MGAT1: variants seen among roughly 807,000 people sequenced by gnomAD.
MGAT1 encodes the protein N-glycosyl-oligosaccharide-glycoprotein N-acetylglucosaminyltransferase I.
A neutral mutation model predicts 31.7 loss-of-function variants in MGAT1; 14 were observed. That is an observed-to-expected ratio of 0.44 (90% CI 0.29 to 0.69). The LOEUF (loss-of-function observed/expected upper bound fraction) is 0.69, where lower values mean the gene tolerates loss of function less well. Ranked by LOEUF, MGAT1 falls within the 30% of genes least tolerant of loss-of-function variation. The pLI is 0.12. For missense variants in MGAT1, 557 were observed against 626.0 expected (o/e 0.89, Z 1.18); for synonymous variants, 338 against 276.0 (o/e 1.22, Z -2.23).
At chr5:180,801,890 G>GGTGA (rs1312570978) in intron 1 of MGAT1, among the ~76,000 whole-genome samples, 1 of 152,198 alleles carries the variant, frequency 6.6e-6, no homozygotes, top group African/African-American at 2.4e-5. Context: ...CAGGGAAATG[G>GGTGA]GTGAGCTCAA....
At chr5:180,804,336 C>T (rs774651577), upstream of MGAT1, among the ~76,000 whole-genome samples, 3 of 152,242 alleles carry the variant, frequency 2.0e-5, no homozygotes, top group Non-Finnish European at 2.9e-5. Context: ...CCGCACACAT[C>T]CTCCAGCGCC....
chr5:180,808,396 T>C (rs1772135945), intron 2 of MGAT1: 1 of 152,184 alleles, frequency 6.6e-6, no homozygotes, highest in Non-Finnish European at 1.5e-5. Context: ...AGTCTTCAAT[T>C]ATTATCATGT....
chr5:180,800,782 G>C (rs1038129959), intron 1 of MGAT1, among the ~76,000 whole-genome samples: 5 of 152,202 alleles, frequency 3.3e-5, no homozygotes, highest in Admixed American at 1.3e-4. Context: ...TGTGGAAGGG[G>C]ATACTTACGG....
In MGAT1 at chr5:180,791,498, T is replaced by TA; in HGVS notation, c.*135dup. On this transcript the variant is annotated 3_prime_UTR_variant, in exon 2 of 2. Coordinates refer to ENST00000307826, the MANE Select transcript of MGAT1 (RefSeq NM_002406.4). ...ATCCTCTTGTTATCATTTGTGCACT[T>TA]AAATGCCACTCGGAAAAATCAAAAA... 1 of 1,094,702 alleles carries TA rather than the reference T, an allele frequency of 9.1e-7. No homozygotes were observed. The highest frequency in any genetic ancestry group is 1.6e-5 in the South Asian group (1 of 63,960). 67.8% of individuals were successfully genotyped at this position (1,094,702 alleles called of 1,614,324 possible). A position where few individuals can be genotyped will look rare whatever the true frequency, so the allele number is the denominator to read the frequency against.
chr5:180,796,484 C>A (rs1199293969), intron 1 of MGAT1, among the ~76,000 whole-genome samples: 1 of 152,218 alleles, frequency 6.6e-6, no homozygotes, highest in Non-Finnish European at 1.5e-5. Context: ...GTTGGCCTTA[C>A]TGCTGTGCCC....
At chr5:180,805,625 C>T (rs1390655118), upstream of MGAT1, among the ~76,000 whole-genome samples, 1 of 152,068 alleles carries the variant, frequency 6.6e-6, no homozygotes, top group Non-Finnish European at 1.5e-5. Context: ...TGGCATGCAC[C>T]TGTAGTCCCA....
rs1374368245 is a variant in MGAT1 at position 180,788,350 on chromosome 5, CT to C, written c.*3283del. The stretch of plus-strand genomic sequence containing the variant: ...ACTCCTCCCGCCATCTCTCCTGGAC[CT>C]CCCCGAGCCACGCAGCCCCCTCTTC... On this transcript the variant is annotated 3_prime_UTR_variant, in exon 2 of 2. Transcript: ENST00000307826. 3 of 152,378 alleles carry C rather than the reference CT, an allele frequency of 2.0e-5. No individual in the cohort carries two copies. The highest frequency in any genetic ancestry group is 6.5e-5 in the Admixed American group (1 of 15,288). 9.4% of individuals were successfully genotyped at this position (152,378 alleles called of 1,614,324 possible). A position where few individuals can be genotyped will look rare whatever the true frequency, so the allele number is the denominator to read the frequency against.
upstream of MGAT1, chr5:180,803,617 G>C (rs1397861155): frequency 2.0e-5 from 3 of 152,370 alleles, no homozygotes; most frequent in African/African-American, 7.2e-5. Context: ...GCTGAGCCAG[G>C]AGTAAAGTCT....
chr5:180,791,678 C>T lies in MGAT1; in HGVS notation c.1294G>A (p.Ala432Thr). 4 of 1,613,850 alleles carry T rather than the reference C, an allele frequency of 2.5e-6. No individual in the cohort carries two copies. The highest frequency in any genetic ancestry group is 1.1e-5 in the South Asian group (1 of 91,080). The change falls in exon 2 of 2, where the codon GCG (alanine) becomes ACG (threonine). Residue 432 changes from alanine (A) to threonine (T), a missense_variant. Physicochemically the swap from Ala to Thr is moderately conservative, Grantham distance 58. This residue lies in a region of MGAT1 where 145 missense variants were observed against 143.2 expected (regional missense o/e 1.01). Coordinates refer to ENST00000307826, the MANE Select transcript of MGAT1 (RefSeq NM_002406.4). ...TAGCCCTCCCACGTCAGTGGGGGCGCCAGGTGGACACGGCGGCCCCGGAAC... is the reference window on the plus strand; with the variant it reads ...TAGCCCTCCCACGTCAGTGGGGGCGTCAGGTGGACACGGCGGCCCCGGAAC... ...FQFRGRRVHL[A>T]PPLTWEGYDP...
intron 1 of MGAT1, among the ~76,000 whole-genome samples, chr5:180,797,806 T>C (rs1203162985): frequency 6.6e-6 from 1 of 152,230 alleles, no homozygotes; most frequent in Non-Finnish European, 1.5e-5. Flanking sequence ...CCTGTTGCCA[T>C]AAGAGGACAT....
rs1767863544 is a variant in MGAT1 at position 180,790,091 on chromosome 5, T to G, written c.*1543A>C. On this transcript the variant is annotated 3_prime_UTR_variant, in exon 2 of 2. Transcript: ENST00000307826. ...CCAAGCGCCACTGTGAGGCCAACCC[T>G]GGTATCAGCTGTGTACCCTGAGGCT... The G allele has an allele frequency of 6.6e-6, 1 of 152,170 alleles. No individual in the cohort carries two copies. The highest frequency in any genetic ancestry group is 1.5e-5 in the Non-Finnish European group (1 of 68,062). 9.4% of individuals were successfully genotyped at this position (152,170 alleles called of 1,614,324 possible).
At chr5:180,798,528 A>G (rs1295315459) in intron 1 of MGAT1, among the ~76,000 whole-genome samples, 1 of 152,230 alleles carries the variant, frequency 6.6e-6, no homozygotes, top group Non-Finnish European at 1.5e-5. Flanking sequence ...TGGCTCCACC[A>G]GCACTGCCAA....
chr5:180,809,194 C>G (rs566295247), intron 1 of MGAT1: 4 of 152,330 alleles, frequency 2.6e-5, no homozygotes, highest in African/African-American at 9.6e-5. Flanking sequence ...CATCAAAACA[C>G]CTTCGTTAAA....
At chr5:180,809,297 CAT>C (rs1369419528) in intron 1 of MGAT1, 1 of 152,100 alleles carries the variant, frequency 6.6e-6, no homozygotes, top group Non-Finnish European at 1.5e-5. Context: ...TATATAAACA[CAT>C]ATAATATAAA....
intron 1 of MGAT1, among the ~76,000 whole-genome samples, chr5:180,802,340 G>A (rs954796056): frequency 6.6e-6 from 1 of 152,158 alleles, no homozygotes; most frequent in Non-Finnish European, 1.5e-5. Context: ...GGTTAGGGGG[G>A]AAAGGCCACT....
chr5:180,809,316 ATATG>A (rs930732407), intron 1 of MGAT1: 1 of 152,208 alleles, frequency 6.6e-6, no homozygotes, highest in Non-Finnish European at 1.5e-5. Flanking sequence ...TAAACATATT[ATATG>A]TATGTACAAA....
intron 1 of MGAT1, chr5:180,810,275 A>G (rs2626814): frequency 6.6e-6 from 1 of 151,460 alleles, no homozygotes; most frequent in African/African-American, 2.4e-5. Flanking sequence ...TTTTCTACCC[A>G]ACGTCCCCAG....
chr5:180,800,346 T>G (rs1396862406), intron 1 of MGAT1, among the ~76,000 whole-genome samples: 1 of 152,228 alleles, frequency 6.6e-6, no homozygotes, highest in Non-Finnish European at 1.5e-5. Flanking sequence ...TCCTCACAGT[T>G]TCTATTGGTC....
At position 180,797,441 on chromosome 5, in the gene MGAT1, CCCAGAGGG is replaced by C. The variant is rs1354882029; in HGVS notation, c.-126-4352_-126-4345del. Among the ~76,000 whole-genome samples the C allele has an allele frequency of 8.1e-5, 9 of 110,710 alleles. No homozygotes were observed. The South Asian group carries it at 2.3e-3, about 28-fold the overall frequency. 72.6% of individuals were successfully genotyped at this position (110,710 alleles called of 152,430 possible). On this transcript the variant is annotated intron_variant, in intron 1 of 1. Coordinates refer to ENST00000307826, the MANE Select transcript of MGAT1 (RefSeq NM_002406.4). ...AAAAAAAAAAAAAAGGGGGGGGGGGCCCAGAGGGATAGCCCGTCCCTGACTCATCAATG... is the reference window on the plus strand; with the variant it reads ...AAAAAAAAAAAAAAGGGGGGGGGGGCATAGCCCGTCCCTGACTCATCAATG...
Sources: allele counts gnomAD v4.1 joint callset (sites outside exome capture counted in the v4.1 genomes callset), GRCh38; gene constraint gnomAD v4.1.1; regional missense constraint gnomAD v4.1.1; transcripts MANE v1.5; gene names NCBI Gene and HGNC (gene_info 2026-07-23, HGNC 2026-07-21).